CSMD3: variants seen among roughly 807,000 people sequenced by gnomAD.
CSMD3 encodes CUB and sushi domain-containing protein 3.
A neutral mutation model predicts 435.2 loss-of-function variants in CSMD3; 177 were observed. That is an observed-to-expected ratio of 0.41 (90% CI 0.36 to 0.46). The LOEUF (loss-of-function observed/expected upper bound fraction) is 0.46, where lower values mean the gene tolerates loss of function less well. Ranked by LOEUF, CSMD3 falls within the 20% of genes least tolerant of loss-of-function variation. The pLI is 0.34. For synonymous variants in CSMD3, 1,656 were observed against 1,520.5 expected, an observed-to-expected ratio of 1.09 and a Z score of -2.07; for missense variants, 4,265 against 4,504.6, an observed-to-expected ratio of 0.95 and a Z score of 1.52.
Position 112,836,719 on chromosome 8 carries a change from G to T in CSMD3, c.1756-6930C>A, listed in dbSNP as rs150035855. 1.4e-3 allele frequency among the ~76,000 whole-genome samples: 212 copies of T among 151,924 alleles called. 1 individual carries two copies. In the Middle Eastern group the frequency reaches 0.017, roughly 12 times the overall value. On this transcript the variant is annotated intron_variant, in intron 11 of 70. Coordinates refer to ENST00000297405, the MANE Select transcript of CSMD3 (RefSeq NM_198123.2). ...CTAGGAACGGTGTTTTTCTGTGTGC[G>T]TGGGGCTTGCATGCTTCTGGACAGT...
chr8:112,927,701 A>G (rs1189438402), intron 9 of CSMD3, among the ~76,000 whole-genome samples: 1 of 152,168 alleles, frequency 6.6e-6, no homozygotes, highest in Non-Finnish European at 1.5e-5. Context: ...TCTTCAAAAC[A>G]TAATGAATAC....
At chr8:112,880,626 G>A (rs1467016252) in intron 10 of CSMD3, among the ~76,000 whole-genome samples, 11 of 152,158 alleles carry the variant, frequency 7.2e-5, no homozygotes, top group East Asian at 5.8e-4. Flanking sequence ...ATCTAAGGTC[G>A]TTGGGATTTG....
intron 10 of CSMD3, among the ~76,000 whole-genome samples, chr8:112,920,716 C>G (rs1277215752): frequency 6.6e-6 from 1 of 151,734 alleles, no homozygotes; most frequent in Non-Finnish European, 1.5e-5. Flanking sequence ...TAAAACTCAA[C>G]TACAAAGTCA....
intron 10 of CSMD3, among the ~76,000 whole-genome samples, chr8:112,920,937 A>ACG (rs1372900317): frequency 2.0e-5 from 3 of 150,000 alleles, no homozygotes; most frequent in Admixed American, 6.7e-5. Context: ...ACACACACAC[A>ACG]CACGCACATA....
chr8:113,308,403 G>A (rs1257713798), intron 2 of CSMD3, among the ~76,000 whole-genome samples: 1 of 151,080 alleles, frequency 6.6e-6, no homozygotes, highest in Non-Finnish European at 1.5e-5. Flanking sequence ...CCAGTAGCTG[G>A]GACTACAGGC....
chr8:113,252,543 C>G (rs1477496609), intron 3 of CSMD3, among the ~76,000 whole-genome samples: 5 of 151,990 alleles, frequency 3.3e-5, no homozygotes, highest in African/African-American at 1.2e-4. Context: ...TACTCTGCAA[C>G]TAACTCAGAC....
At chr8:113,247,410 T>G (rs1380065347) in intron 3 of CSMD3, among the ~76,000 whole-genome samples, 4 of 152,160 alleles carry the variant, frequency 2.6e-5, no homozygotes, top group Non-Finnish European at 4.4e-5. Flanking sequence ...ACAGCTACTG[T>G]GGTTGTGCAC....
At chr8:112,983,983 T>A (rs1269032628) in intron 6 of CSMD3, among the ~76,000 whole-genome samples, 1 of 152,012 alleles carries the variant, frequency 6.6e-6, no homozygotes, top group Non-Finnish European at 1.5e-5. Flanking sequence ...GCATTTGGTA[T>A]TCTGTAGCAG....
At chr8:112,472,353 T>G (rs1011448361) in intron 32 of CSMD3, among the ~76,000 whole-genome samples, 10 of 152,182 alleles carry the variant, frequency 6.6e-5, no homozygotes, top group African/African-American at 2.4e-4. Context: ...TTTTAAAAAT[T>G]AAAAACAATC....
chr8:112,626,523 A>C (rs1834488693), intron 22 of CSMD3, among the ~76,000 whole-genome samples: 1 of 151,432 alleles, frequency 6.6e-6, no homozygotes, highest in African/African-American at 2.4e-5. Context: ...TATACAGAAC[A>C]AAAAGACACA....
intron 13 of CSMD3, among the ~76,000 whole-genome samples, chr8:112,734,853 A>G (rs1031830688): frequency 6.6e-6 from 1 of 151,990 alleles, no homozygotes; most frequent in Admixed American, 6.6e-5. Context: ...TCATAAGAGA[A>G]AAAACATCCT....
At chr8:112,330,546 AT>A (rs1178329249) in intron 45 of CSMD3, among the ~76,000 whole-genome samples, 1 of 152,094 alleles carries the variant, frequency 6.6e-6, no homozygotes, top group Non-Finnish European at 1.5e-5. Flanking sequence ...CCAGATCTCA[AT>A]AAAATTTTTT....
At chr8:112,489,300 C>T (rs933435548) in intron 31 of CSMD3, among the ~76,000 whole-genome samples, 1 of 152,120 alleles carries the variant, frequency 6.6e-6, no homozygotes, top group South Asian at 2.1e-4. Flanking sequence ...TGGCACATGC[C>T]TGTAGTCCCA....
chr8:112,976,250 G>T, intron 6 of CSMD3, 102 bp from the exon 7 acceptor site: 1 of 1,354,190 alleles, frequency 7.4e-7, no homozygotes, highest in Non-Finnish European at 1.0e-6. Flanking sequence ...TTACCTTAAG[G>T]ATAATCAACA....
At chr8:112,851,991 G>T (rs573899907) in intron 11 of CSMD3, among the ~76,000 whole-genome samples, 1 of 152,124 alleles carries the variant, frequency 6.6e-6, no homozygotes, top group East Asian at 1.9e-4. Context: ...TGGTTCAGGG[G>T]TCAACAGAGC....
intron 3 of CSMD3, among the ~76,000 whole-genome samples, chr8:113,263,470 T>C (rs1175019903): frequency 6.6e-6 from 1 of 151,958 alleles, no homozygotes; most frequent in Non-Finnish European, 1.5e-5. Context: ...AATGTATTAT[T>C]AATCACTATT....
chr8:112,373,432 C>T (rs891978597), intron 38 of CSMD3, among the ~76,000 whole-genome samples: 10 of 151,942 alleles, frequency 6.6e-5, no homozygotes, highest in African/African-American at 2.2e-4. Flanking sequence ...ACACACACAC[C>T]ACTCACACGC....
intron 13 of CSMD3, among the ~76,000 whole-genome samples, chr8:112,765,538 C>T (rs1391126002): frequency 2.0e-5 from 3 of 151,558 alleles, no homozygotes; most frequent in South Asian, 2.1e-4. Context: ...GTGATTACAT[C>T]GTTTTCTATA....
intron 42 of CSMD3, among the ~76,000 whole-genome samples, chr8:112,338,124 A>G (rs1366891181): frequency 6.6e-6 from 1 of 152,198 alleles, no homozygotes; most frequent in Non-Finnish European, 1.5e-5. Context: ...GAATATGTAT[A>G]AGCCTAATTC....
Sources: allele counts gnomAD v4.1 joint callset (sites outside exome capture counted in the v4.1 genomes callset), GRCh38; gene constraint gnomAD v4.1.1; transcripts MANE v1.5; gene names NCBI Gene and HGNC (gene_info 2026-07-23, HGNC 2026-07-21).